Variants in KIAA1217 observed in about 807,000 individuals in gnomAD.
The protein encoded by KIAA1217 is sickle tail protein homolog.
A neutral mutation model predicts 163.9 loss-of-function variants in KIAA1217; 88 were observed. That is an observed-to-expected ratio of 0.54 (90% CI 0.45 to 0.64). The LOEUF (loss-of-function observed/expected upper bound fraction) is 0.64, where lower values mean the gene tolerates loss of function less well. Ranked by LOEUF, KIAA1217 falls within the 30% of genes least tolerant of loss-of-function variation. KIAA1217 has a pLI of 0.00. For synonymous variants in KIAA1217, 903 were observed against 923.1 expected (o/e 0.98, Z 0.39); for missense variants, 2,372 against 2,475.0 (o/e 0.96, Z 0.88).
At chr10:24,506,422 C>A (rs2068369953) in intron 9 of KIAA1217, among the ~76,000 whole-genome samples, 1 of 152,158 alleles carries the variant, frequency 6.6e-6, no homozygotes, top group Admixed American at 6.5e-5. Context: ...TAGGCATTTG[C>A]TAGTTTCTCC....
chr10:24,177,221 G>A (rs1165936733), intron 2 of KIAA1217, among the ~76,000 whole-genome samples: 4 of 142,464 alleles, frequency 2.8e-5, no homozygotes, highest in African/African-American at 7.9e-5. Flanking sequence ...CACCGAAAGC[G>A]AGCGAGGGCT....
intron 2 of KIAA1217, among the ~76,000 whole-genome samples, chr10:24,297,746 ACT>A (rs940532226): frequency 1.9e-4 from 29 of 152,118 alleles, no homozygotes; most frequent in Admixed American, 1.6e-3. Context: ...ACAGAACAAG[ACT>A]CTGTCTCAAA....
chr10:24,062,039 T>C (rs1015052603), intron 2 of KIAA1217, among the ~76,000 whole-genome samples: 4 of 152,104 alleles, frequency 2.6e-5, no homozygotes, highest in African/African-American at 9.7e-5. Context: ...GACTGGATAA[T>C]TTCAGATGAC....
chr10:23,976,922 G>A (rs1589170201), intron 1 of KIAA1217, among the ~76,000 whole-genome samples: 1 of 152,144 alleles, frequency 6.6e-6, no homozygotes, highest in African/African-American at 2.4e-5. Context: ...AGGAGCAGAG[G>A]AGCAAAGTCA....
chr10:24,051,340 A>C (rs1849491622), intron 2 of KIAA1217, among the ~76,000 whole-genome samples: 1 of 152,076 alleles, frequency 6.6e-6, no homozygotes, highest in Non-Finnish European at 1.5e-5. Flanking sequence ...ACATTTTTGC[A>C]ATTGTGAATT....
chr10:24,542,813 T>G (rs752487474), intron 18 of KIAA1217, 43 bp downstream of exon 18: 1 of 1,611,970 alleles, frequency 6.2e-7, no homozygotes, highest in Admixed American at 1.7e-5. Flanking sequence ...CCATGCACAT[T>G]AAGTACCTGC....
At chr10:24,284,291 G>A (rs760977364) in intron 2 of KIAA1217, among the ~76,000 whole-genome samples, 1 of 152,052 alleles carries the variant, frequency 6.6e-6, no homozygotes, top group Non-Finnish European at 1.5e-5. Flanking sequence ...TATACTGTAT[G>A]ATGCTGAGGT....
At chr10:23,792,993 C>G (rs369858807) in intron 1 of KIAA1217, among the ~76,000 whole-genome samples, 1 of 152,106 alleles carries the variant, frequency 6.6e-6, no homozygotes. Context: ...GTTTGTCACA[C>G]CAGTGGGTTG....
chr10:23,709,594 C>T (rs1489709740), intron 1 of KIAA1217, among the ~76,000 whole-genome samples: 2 of 151,866 alleles, frequency 1.3e-5, no homozygotes, highest in Middle Eastern at 3.2e-3. Flanking sequence ...CTCCTTCTTT[C>T]CTAATGGAAA....
intron 1 of KIAA1217, among the ~76,000 whole-genome samples, chr10:24,214,472 C>A (rs759270231): frequency 6.6e-6 from 1 of 152,124 alleles, no homozygotes; most frequent in South Asian, 2.1e-4. Flanking sequence ...AGAGAGAGAA[C>A]GTGGAAGGTT....
intron 11 of KIAA1217, among the ~76,000 whole-genome samples, chr10:24,520,640 AAAAAAAAAAAAATATATAT>A (rs1365281133): frequency 2.2e-5 from 2 of 90,562 alleles, no homozygotes; most frequent in African/African-American, 5.2e-5. Context: ...AAAAAAAAAA[AAAAAAAAAAAAATATATAT>A]ATATATATAT....
At chr10:24,452,198 T>G (rs1416860719) in intron 5 of KIAA1217, among the ~76,000 whole-genome samples, 2 of 152,178 alleles carry the variant, frequency 1.3e-5, no homozygotes, top group Non-Finnish European at 2.9e-5. Flanking sequence ...TCTGCTTGCA[T>G]GTGGTTTGCA....
chr10:24,175,826 A>G (rs1320617948), intron 2 of KIAA1217, among the ~76,000 whole-genome samples: 1 of 152,122 alleles, frequency 6.6e-6, no homozygotes, highest in Admixed American at 6.5e-5. Flanking sequence ...CCTCCTGTCC[A>G]GACTTGTTCA....
chr10:23,786,169 T>C (rs556318101), intron 1 of KIAA1217, among the ~76,000 whole-genome samples: 3 of 152,242 alleles, frequency 2.0e-5, no homozygotes, highest in South Asian at 2.1e-4. Flanking sequence ...GAAGTTCTTA[T>C]GGGACTTCAG....
chr10:24,095,560 GTTCT>G (rs1264726256), intron 2 of KIAA1217, among the ~76,000 whole-genome samples: 18 of 152,066 alleles, frequency 1.2e-4, no homozygotes, highest in Middle Eastern at 3.2e-3. Context: ...TCAGACCCAA[GTTCT>G]TTCTTCTCTA....
chr10:23,793,624 G>T (rs140737483), intron 1 of KIAA1217, among the ~76,000 whole-genome samples: 1 of 152,304 alleles, frequency 6.6e-6, no homozygotes, highest in East Asian at 1.9e-4. Context: ...TAAGTCCGCT[G>T]CCTGAAACAC....
chr10:24,157,626 T>A (rs1484953220), intron 2 of KIAA1217, among the ~76,000 whole-genome samples: 1 of 152,182 alleles, frequency 6.6e-6, no homozygotes, highest in East Asian at 1.9e-4. Flanking sequence ...TAAAGATATA[T>A]CTGAGAGAAG....
In KIAA1217 at chr10:23,758,626, T is replaced by TTCTCTCTC. The variant is rs573288653; in HGVS notation, c.-321+63405_-321+63412dup. Among the ~76,000 whole-genome samples the TTCTCTCTC allele has an allele frequency of 8.0e-3, 936 of 116,918 alleles. 21 individuals are homozygous for TTCTCTCTC. Among genetic ancestry groups the TTCTCTCTC allele is most frequent in the African/African-American group, 0.031 (816 of 26,070 alleles). The allele number at this position is 116,918 out of a possible 152,430, so 76.7% of individuals were successfully genotyped here. On this transcript the variant is annotated intron_variant, in intron 1 of 18. Coordinates refer to the KIAA1217 transcript ENST00000376462. Reference sequence around the variant, plus strand: ...CTTTTCTCTTTCTTTCTTTCTTACTTTCTCTCTCTCTCTCTCTCTCCCCCT... The same window carrying TTCTCTCTC: ...CTTTTCTCTTTCTTTCTTTCTTACTTTCTCTCTCTCTCTCTCTCTCTCTCTCTCCCCCT...
rs1232513667 is a variant in KIAA1217 at position 24,039,232 on chromosome 10, A to AC, written c.-171+31863dup. ...AGCTGCCCTAGCCACACTCCACTCC[A>AC]CCCCCACCCCAGCAGTGCAGACATC... is the stretch of plus-strand genomic sequence containing the variant. On this transcript the variant is annotated intron_variant, in intron 2 of 18. Coordinates refer to the KIAA1217 transcript ENST00000376462. 6.7e-5 allele frequency among the ~76,000 whole-genome samples: 10 copies of AC among 149,188 alleles called. No individual in the cohort carries two copies. The East Asian group carries it at 2.0e-3, about 29-fold the overall frequency.
Sources: allele counts gnomAD v4.1 joint callset (sites outside exome capture counted in the v4.1 genomes callset), GRCh38; gene constraint gnomAD v4.1.1; transcripts MANE v1.5; gene names NCBI Gene and HGNC (gene_info 2026-07-23, HGNC 2026-07-21).